The following PTCHD4 variants were observed in gnomAD, a reference collection of about 807,000 sequenced individuals.
The protein encoded by PTCHD4 is patched domain-containing protein 4.
A neutral mutation model predicts 58.1 loss-of-function variants in PTCHD4; 33 were observed. The ratio of observed to expected loss-of-function variants is 0.57; its 90% confidence interval spans 0.43 to 0.76. PTCHD4 has a LOEUF of 0.76. Ranked by LOEUF, PTCHD4 falls within the 30% of genes least tolerant of loss-of-function variation. The probability of loss-of-function intolerance (pLI) is 0.00; values close to 1 mark genes in which losing one functional copy is unlikely to be tolerated. For synonymous variants in PTCHD4, 478 were observed against 409.6 expected (o/e 1.17, Z -2.02); for missense variants, 1,058 against 1,027.1 (o/e 1.03, Z -0.41).
chr6:47,994,442 T>C (rs1768402768), intron 4 of PTCHD4, among the ~76,000 whole-genome samples: 1 of 152,224 alleles, frequency 6.6e-6, no homozygotes, highest in Non-Finnish European at 1.5e-5. Flanking sequence ...CTTGACCTTT[T>C]AATGAAGGCT....
At position 47,987,084 on chromosome 6, in the gene PTCHD4, A is replaced by T. The variant is rs186004479; in HGVS notation, c.898+21550T>A. Among the ~76,000 whole-genome samples the T allele has an allele frequency of 4.7e-4, 72 of 152,244 alleles. 3 individuals are homozygous for T. In the East Asian group the frequency reaches 0.013, roughly 27 times the overall value. On this transcript the variant is annotated intron_variant, in intron 4 of 4. Transcript: ENST00000339488. ...TTGAAAAAGTTTGCATTTGAATATT[A>T]TCTATTGGATTAAAATGGAAGATAA...
At chr6:48,096,466 G>A (rs2113907485) in intron 1 of PTCHD4, among the ~76,000 whole-genome samples, 1 of 152,164 alleles carries the variant, frequency 6.6e-6, no homozygotes. Context: ...ACAAAAATTA[G>A]CTGGGCGTGG....
In PTCHD4 at chr6:48,104,052, C is replaced by T. The variant is rs534711544; in HGVS notation, c.-970+6997G>A. ...GCAGGATATTATCCAGGAGAACTTCCCCAATCTAGCAAGGCAGGCCAACAT... is the reference window on the plus strand; with the variant it reads ...GCAGGATATTATCCAGGAGAACTTCTCCAATCTAGCAAGGCAGGCCAACAT... On this transcript the variant is annotated intron_variant, in intron 1 of 4. Transcript: ENST00000339488. 6.6e-5 allele frequency among the ~76,000 whole-genome samples: 10 copies of T among 152,248 alleles called. No homozygotes were observed. In the East Asian group the frequency reaches 1.9e-3, roughly 29 times the overall value.
At chr6:47,984,691 A>G (rs1767998428) in intron 4 of PTCHD4, among the ~76,000 whole-genome samples, 1 of 152,126 alleles carries the variant, frequency 6.6e-6, no homozygotes, top group African/African-American at 2.4e-5. Flanking sequence ...ACCCATGGGC[A>G]CAGTTTCAGA....
chr6:48,103,565 A>AGCTCCTCACCAGGAATGGAACAAAGCT (rs1765654601), intron 1 of PTCHD4, among the ~76,000 whole-genome samples: 1 of 152,244 alleles, frequency 6.6e-6, no homozygotes, highest in Non-Finnish European at 1.5e-5. Context: ...AAAGGAACGC[A>AGCTCCTCACCAGGAATGGAACAAAGCT]GCTCCTCACC....
intron 4 of PTCHD4, among the ~76,000 whole-genome samples, chr6:47,914,843 C>G (rs898506873): frequency 6.6e-6 from 1 of 151,512 alleles, no homozygotes; most frequent in African/African-American, 2.4e-5. Context: ...CTGATTAATA[C>G]AGTCAAGTAA....
At chr6:48,091,112 T>G (rs987756306) in intron 1 of PTCHD4, among the ~76,000 whole-genome samples, 2 of 152,180 alleles carry the variant, frequency 1.3e-5, no homozygotes, top group Non-Finnish European at 2.9e-5. Flanking sequence ...CATTTAGGAT[T>G]ACTGATGTGA....
chr6:47,861,614 T>C lies in PTCHD4; in HGVS notation c.*16689A>G, dbSNP rs1316618626. Among the ~76,000 whole-genome samples, 1 of 151,970 alleles carries C rather than the reference T, an allele frequency of 6.6e-6. No homozygotes were observed. The highest frequency in any genetic ancestry group is 1.5e-5 in the Non-Finnish European group (1 of 67,932). Reference sequence around the variant, plus strand: ...AAATCAGTATAGCAACTTCTATTTATTATGGAAGACATGTTAACTAAGAAT... The same window carrying C: ...AAATCAGTATAGCAACTTCTATTTACTATGGAAGACATGTTAACTAAGAAT... On this transcript the variant is annotated 3_prime_UTR_variant, in exon 5 of 5. Transcript: ENST00000339488.
rs560218558 is a variant in PTCHD4, at chr6:47,957,307, A to T, written c.898+51327T>A. Among the ~76,000 whole-genome samples the T allele has an allele frequency of 1.2e-3, 179 of 148,762 alleles. 2 individuals are homozygous for T. The highest frequency in any genetic ancestry group is 4.0e-3 in the African/African-American group (163 of 41,046). ...GTTTCATTCAAGAAAGATTGTACAGAATACAAATTCTCAAATCCCACTTTG... is the reference window on the plus strand; with the variant it reads ...GTTTCATTCAAGAAAGATTGTACAGTATACAAATTCTCAAATCCCACTTTG... On this transcript the variant is annotated intron_variant, in intron 4 of 4. Transcript: ENST00000339488.
intron 4 of PTCHD4, among the ~76,000 whole-genome samples, chr6:47,904,412 A>G (rs1253754074): frequency 6.6e-6 from 1 of 152,242 alleles, no homozygotes; most frequent in African/African-American, 2.4e-5. Flanking sequence ...TCATTCATTT[A>G]CATATTGCCT....
intron 1 of PTCHD4, among the ~76,000 whole-genome samples, chr6:48,092,657 A>G (rs1443505864): frequency 6.6e-6 from 1 of 152,160 alleles, no homozygotes; most frequent in Non-Finnish European, 1.5e-5. Context: ...GGTAGCCAAA[A>G]TGGGGGTACC....
intron 4 of PTCHD4, among the ~76,000 whole-genome samples, chr6:47,916,348 T>C (rs1765243292): frequency 1.3e-5 from 2 of 152,102 alleles, no homozygotes; most frequent in South Asian, 2.1e-4. Flanking sequence ...AATCCAAGCA[T>C]TGGTACTGCT....
At chr6:48,078,883 C>A (rs1443417791) in intron 1 of PTCHD4, among the ~76,000 whole-genome samples, 1 of 152,010 alleles carries the variant, frequency 6.6e-6, no homozygotes, top group Non-Finnish European at 1.5e-5. Flanking sequence ...CTTTGGGAGG[C>A]GGAGGCGGGC....
At chr6:48,028,580 G>A (rs887226817) in intron 3 of PTCHD4, among the ~76,000 whole-genome samples, 32 of 151,992 alleles carry the variant, frequency 2.1e-4, no homozygotes, top group African/African-American at 7.2e-4. Context: ...CTAAGTAACC[G>A]AGTATTTTTG....
chr6:47,953,227 A>G (rs1766722850), intron 4 of PTCHD4, among the ~76,000 whole-genome samples: 1 of 152,136 alleles, frequency 6.6e-6, no homozygotes, highest in African/African-American at 2.4e-5. Flanking sequence ...CTATATAATT[A>G]TGCTTGTTTA....
At chr6:47,958,897 T>C (rs1278213667) in intron 4 of PTCHD4, among the ~76,000 whole-genome samples, 1 of 152,194 alleles carries the variant, frequency 6.6e-6, no homozygotes, top group Non-Finnish European at 1.5e-5. Flanking sequence ...TAGCTCTAGA[T>C]GAGCATTGCT....
Position 47,870,049 on chromosome 6 carries a change from A to G in PTCHD4, c.*8254T>C, listed in dbSNP as rs749431327. Among the ~76,000 whole-genome samples, 6 of 151,712 alleles carry G rather than the reference A, an allele frequency of 4.0e-5. No individual in the cohort carries two copies. The highest frequency in any genetic ancestry group is 2.6e-4 in the Admixed American group (4 of 15,192). ...TTTGACCCTAAGAACTATAGAATAT[A>G]CACCTGTATAATTTATCACTACTTT... On this transcript the variant is annotated 3_prime_UTR_variant, in exon 5 of 5. Transcript: ENST00000339488.
At chr6:48,003,650 TTA>T (rs1239071188) in intron 4 of PTCHD4, among the ~76,000 whole-genome samples, 2 of 152,194 alleles carry the variant, frequency 1.3e-5, no homozygotes, top group South Asian at 4.1e-4. Context: ...AAAAATATCT[TTA>T]TAAAGTATGT....
chr6:48,003,920 G>A (rs1264408406), intron 4 of PTCHD4, among the ~76,000 whole-genome samples: 1 of 152,120 alleles, frequency 6.6e-6, no homozygotes, highest in Non-Finnish European at 1.5e-5. Flanking sequence ...GCTTCGTTTA[G>A]CTCTCTGCTT....
Sources: allele counts gnomAD v4.1 joint callset (sites outside exome capture counted in the v4.1 genomes callset), GRCh38; gene constraint gnomAD v4.1.1; transcripts MANE v1.5; gene names NCBI Gene and HGNC (gene_info 2026-07-23, HGNC 2026-07-21).